The following SLC16A7 variants were observed in gnomAD, a reference collection of about 807,000 sequenced individuals.
SLC16A7 encodes the protein monocarboxylate transporter 2.
A neutral mutation model predicts 34.9 loss-of-function variants in SLC16A7; 33 were observed. The observed-to-expected ratio is 0.94, with a 90% CI of 0.72 to 1.26. The LOEUF (loss-of-function observed/expected upper bound fraction) is 1.26. Among genes scored for constraint, SLC16A7 ranks in the 50% most tolerant of loss-of-function variants. The probability of loss-of-function intolerance (pLI) is 0.00; values close to 1 mark genes in which losing one functional copy is unlikely to be tolerated. For synonymous variants in SLC16A7, 201 were observed against 206.6 expected (o/e 0.97, Z 0.23); for missense variants, 573 against 578.1 (o/e 0.99, Z 0.09).
chr12:59,614,176 G>C (rs1565618359), intron 1 of SLC16A7, among the ~76,000 whole-genome samples: 1 of 151,618 alleles, frequency 6.6e-6, no homozygotes, highest in East Asian at 2.0e-4. Flanking sequence ...TCAGCCTCCT[G>C]AGTAACTGTG....
intron 1 of SLC16A7, among the ~76,000 whole-genome samples, chr12:59,629,400 ATCT>A (rs1410655322): frequency 6.6e-6 from 1 of 151,934 alleles, no homozygotes. Context: ...TTATAATAAA[ATCT>A]TCTATTCAGA....
intron 3 of SLC16A7, among the ~76,000 whole-genome samples, chr12:59,758,035 A>G (rs558075482): frequency 3.2e-4 from 49 of 152,256 alleles, no homozygotes; most frequent in African/African-American, 1.1e-3. Context: ...AGTATTACAT[A>G]CAATTCACCC....
intron 1 of SLC16A7, among the ~76,000 whole-genome samples, chr12:59,617,993 G>A (rs1055831278): frequency 1.3e-5 from 2 of 151,718 alleles, no homozygotes; most frequent in Admixed American, 6.6e-5. Flanking sequence ...CTGAAATATA[G>A]CTATATTTTA....
At chr12:59,699,605 G>C (rs879694422) in intron 2 of SLC16A7, among the ~76,000 whole-genome samples, 1 of 151,686 alleles carries the variant, frequency 6.6e-6, no homozygotes, top group Non-Finnish European at 1.5e-5. Context: ...GGAGTATAAT[G>C]ACATCTAACT....
At chr12:59,715,668 A>T (rs1446723751) in intron 3 of SLC16A7, among the ~76,000 whole-genome samples, 1 of 152,226 alleles carries the variant, frequency 6.6e-6, no homozygotes, top group South Asian at 2.1e-4. Flanking sequence ...ACCACTCTGC[A>T]CATAGCCACC....
intron 3 of SLC16A7, among the ~76,000 whole-genome samples, chr12:59,756,551 A>T (rs969893525): frequency 6.6e-6 from 1 of 152,088 alleles, no homozygotes; most frequent in Admixed American, 6.6e-5. Flanking sequence ...TCAAAACCAC[A>T]ATGAGATACC....
rs1883116599 is a variant in SLC16A7, at chr12:59,779,896, T to C, written c.*217T>C. Reference sequence around the variant, plus strand: ...TGAGATTATGCATAGAAAGAATCCATGCTATAGGTTTATTTCCATACCTGA... The same window carrying C: ...TGAGATTATGCATAGAAAGAATCCACGCTATAGGTTTATTTCCATACCTGA... On this transcript the variant is annotated 3_prime_UTR_variant, in exon 6 of 6. Coordinates refer to ENST00000547379, the MANE Select transcript of SLC16A7 (RefSeq NM_001270623.2). 2.2e-6 allele frequency: 1 copy of C among 445,934 alleles called. No individual in the cohort carries two copies. The highest frequency in any genetic ancestry group is 2.0e-5 in the African/African-American group (1 of 49,990). 27.6% of individuals were successfully genotyped at this position (445,934 alleles called of 1,614,324 possible). A position where few individuals can be genotyped will look rare whatever the true frequency, so the allele number is the denominator to read the frequency against.
chr12:59,775,069 C>G lies in SLC16A7; in HGVS notation c.774C>G (p.Phe258Leu). The G allele has an allele frequency of 6.2e-7, 1 of 1,614,016 alleles. No homozygotes were observed. Among genetic ancestry groups the G allele is most frequent in the Non-Finnish European group, 8.5e-7 (1 of 1,179,978 alleles). ...LIYLSGNVIM[F>L]LGFFAPIIFL... ...ATCTGTCTGGAAATGTCATTATGTT[C>G]CTAGGTTTTTTTGCCCCCATTATAT... Residue 258 changes from phenylalanine to leucine, a missense_variant, in exon 5 of 6, where the codon TTC (phenylalanine) becomes TTG (leucine). Transcript: ENST00000547379.
chr12:59,743,551 T>C (rs1878562294), intron 3 of SLC16A7, among the ~76,000 whole-genome samples: 1 of 152,172 alleles, frequency 6.6e-6, no homozygotes, highest in African/African-American at 2.4e-5. Flanking sequence ...TCAGTAAATA[T>C]GTGGTGAGTA....
chr12:59,631,351 T>C (rs1268198072), intron 1 of SLC16A7, among the ~76,000 whole-genome samples: 1 of 151,920 alleles, frequency 6.6e-6, no homozygotes, highest in African/African-American at 2.4e-5. Context: ...ACATCAAACT[T>C]GGAACAGATG....
intron 3 of SLC16A7, among the ~76,000 whole-genome samples, chr12:59,727,623 A>G (rs1377622261): frequency 6.6e-6 from 1 of 152,180 alleles, no homozygotes. Context: ...TAAGTTCTAT[A>G]ACAAAGGAAC....
At chr12:59,600,892 T>C (rs1200799848) in intron 1 of SLC16A7, among the ~76,000 whole-genome samples, 1 of 152,188 alleles carries the variant, frequency 6.6e-6, no homozygotes, top group Admixed American at 6.5e-5. Context: ...TCATTAATAC[T>C]CATTGAAGTC....
At chr12:59,667,622 A>G (rs544835995) in intron 2 of SLC16A7, among the ~76,000 whole-genome samples, 1 of 152,340 alleles carries the variant, frequency 6.6e-6, no homozygotes, top group South Asian at 2.1e-4. Flanking sequence ...AGAGCATAAA[A>G]GTTTGAAAAA....
At chr12:59,659,198 G>A (rs754687265) in intron 2 of SLC16A7, among the ~76,000 whole-genome samples, 36 of 151,906 alleles carry the variant, frequency 2.4e-4, no homozygotes, top group Admixed American at 9.9e-4. Flanking sequence ...GTTTTAAAAT[G>A]CATGTGCACG....
chr12:59,678,581 T>C (rs1592481391), intron 2 of SLC16A7, among the ~76,000 whole-genome samples: 3 of 152,258 alleles, frequency 2.0e-5, no homozygotes, highest in African/African-American at 7.2e-5. Context: ...TCTTTGAGTC[T>C]AGCTGAGTCC....
intron 1 of SLC16A7, among the ~76,000 whole-genome samples, chr12:59,652,990 A>T (rs552925539): frequency 3.7e-4 from 56 of 151,950 alleles, no homozygotes; most frequent in African/African-American, 1.3e-3. Context: ...CTTTCTTTTT[A>T]AAAAATCTTT....
intron 2 of SLC16A7, among the ~76,000 whole-genome samples, chr12:59,692,199 T>C (rs1359050879): frequency 1.3e-5 from 2 of 151,928 alleles, no homozygotes. Context: ...TCTTCCTTTC[T>C]GTGTGTGTGT....
Position 59,788,557 on chromosome 12 carries a change from T to C in SLC16A7, c.*8878T>C, listed in dbSNP as rs1254959973. 1 of 151,956 alleles carries C rather than the reference T, an allele frequency of 6.6e-6. No individual in the cohort carries two copies. Among genetic ancestry groups the C allele is most frequent in the Admixed American group, 6.6e-5 (1 of 15,262 alleles). The allele number at this position is 151,956 out of a possible 1,614,324, so 9.4% of individuals were successfully genotyped here. ...CTTAAATCATGGCTGTATTATTTCATTTTTAAAGAAAATAAAGTATAAAAT... is the reference window on the plus strand; with the variant it reads ...CTTAAATCATGGCTGTATTATTTCACTTTTAAAGAAAATAAAGTATAAAAT... On this transcript the variant is annotated 3_prime_UTR_variant, in exon 6 of 6. Coordinates refer to ENST00000547379, the MANE Select transcript of SLC16A7 (RefSeq NM_001270623.2).
intron 1 of SLC16A7, among the ~76,000 whole-genome samples, chr12:59,624,808 T>A (rs1879854450): frequency 6.6e-6 from 1 of 151,028 alleles, no homozygotes; most frequent in African/African-American, 2.4e-5. Flanking sequence ...GCAAGCATAT[T>A]TCTGGTATAG....
Sources: allele counts gnomAD v4.1 joint callset (sites outside exome capture counted in the v4.1 genomes callset), GRCh38; gene constraint gnomAD v4.1.1; transcripts MANE v1.5; gene names NCBI Gene and HGNC (gene_info 2026-07-23, HGNC 2026-07-21).